The following PHF20 variants were observed in gnomAD, a reference collection of about 807,000 sequenced individuals.
PHF20 encodes the protein glioma-expressed antigen 2.
A neutral mutation model predicts 113.5 loss-of-function variants in PHF20; 23 were observed. The ratio of observed to expected loss-of-function variants is 0.20; its 90% CI spans 0.15 to 0.29. The LOEUF (loss-of-function observed/expected upper bound fraction) is 0.29. Ranked by LOEUF, PHF20 falls within the 10% of genes least tolerant of loss-of-function variation. PHF20 has a pLI of 1.00. For synonymous variants in PHF20, 434 were observed against 457.3 expected (o/e 0.95, Z 0.65); for missense variants, 943 against 1,219.6 (o/e 0.77, Z 3.38).
At chr20:35,940,742 A>T in intron 16 of PHF20, 122 bp from the exon 17 acceptor site, 2 of 814,838 alleles carry the variant, frequency 2.5e-6, no homozygotes. Flanking sequence ...TAGGAAAGGG[A>T]GGTAGGGATT....
chr20:35,899,772 A>C, intron 10 of PHF20, 124 bp downstream of exon 10: 2 of 1,002,206 alleles, frequency 2.0e-6, no homozygotes, highest in South Asian at 1.6e-5. Context: ...ACAGGACTGA[A>C]CATATTAAGT....
rs577878410 is a variant in PHF20 at position 35,885,467 on chromosome 20, C to CTTT, written c.1282+13669_1282+13671dup. 3.8e-3 allele frequency among the ~76,000 whole-genome samples: 137 copies of CTTT among 35,658 alleles called. 7 individuals carry two copies. Among genetic ancestry groups the CTTT allele is most frequent in the African/African-American group, 0.013 (120 of 9,176 alleles). The allele number at this position is 35,658 out of a possible 152,430, so 23.4% of individuals were successfully genotyped here. A position where few individuals can be genotyped will look rare whatever the true frequency, so the allele number is the denominator to read the frequency against. On this transcript the variant is annotated intron_variant, in intron 9 of 17. Transcript: ENST00000374012. ...CTGGAGTGGGGGACAGGGGAATAAGCTTTTTTTTTTTTTTTTTTTTTTTTT... is the reference window on the plus strand; with the variant it reads ...CTGGAGTGGGGGACAGGGGAATAAGCTTTTTTTTTTTTTTTTTTTTTTTTTTTT...
chr20:35,871,736 T>C lies in PHF20; in HGVS notation c.1189T>C (p.Leu397=). The change falls in exon 9 of 18, where the codon TTG becomes CTG. Residue 397 remains leucine (L), a synonymous_variant. Coordinates refer to ENST00000374012, the MANE Select transcript of PHF20 (RefSeq NM_016436.5). ...SFGDGSGAAG[L]ELNCPSMGEN... ...TGGGGATGGATCCGGGGCTGCAGGC[T>C]TGGAGTTGAACTGCCCATCAATGGG... 1 of 1,614,070 alleles carries C rather than the reference T, an allele frequency of 6.2e-7. No individual in the cohort carries two copies. The highest frequency in any genetic ancestry group is 8.5e-7 in the Non-Finnish European group (1 of 1,179,948).
intron 16 of PHF20, among the ~76,000 whole-genome samples, 185 bp downstream of exon 16, chr20:35,939,293 C>G (rs1217927820): frequency 6.6e-6 from 1 of 151,920 alleles, no homozygotes; most frequent in Non-Finnish European, 1.5e-5. Context: ...GCCAAAGATC[C>G]TTGGTTCCAG....
Position 35,833,830 on chromosome 20 carries a change from C to T in PHF20, c.84-8743C>T, listed in dbSNP as rs376731361. Among the ~76,000 whole-genome samples, 41 of 152,168 alleles carry T rather than the reference C, an allele frequency of 2.7e-4. 2 individuals carry two copies. The East Asian group carries it at 6.8e-3, about 25-fold the overall frequency. ...ATCCCAGCACTTTGGGAGGCTGAGG[C>T]GGGCAGATCACGAAGTCAGGAGTTC... is the stretch of plus-strand genomic sequence containing the variant. On this transcript the variant is annotated intron_variant, in intron 2 of 17. Coordinates refer to ENST00000374012, the MANE Select transcript of PHF20 (RefSeq NM_016436.5).
Position 35,863,193 on chromosome 20 carries a change from A to G in PHF20, c.601A>G (p.Ile201Val), listed in dbSNP as rs974686146. ...GCAGCCTGATAAAGAAGGAAAGTTA[A>G]TCTGTTCTGAAAAGGGGAAAGTGTC... Reference protein sequence around the residue: ...PKQPDKEGKLICSEKGKVSEK... With the variant: ...PKQPDKEGKLVCSEKGKVSEK... Residue 201 changes from isoleucine (I) to valine (V), a missense_variant, in exon 6 of 18, where the codon ATC (isoleucine) becomes GTC (valine). Coordinates refer to ENST00000374012, the MANE Select transcript of PHF20 (RefSeq NM_016436.5). 2 of 1,613,548 alleles carry G rather than the reference A, an allele frequency of 1.2e-6. No homozygotes were observed. The highest frequency in any genetic ancestry group is 1.1e-5 in the South Asian group (1 of 91,010).
chr20:35,869,356 A>G, intron 6 of PHF20, 82 bp from the exon 7 acceptor site: 1 of 662,432 alleles, frequency 1.5e-6, no homozygotes, highest in South Asian at 2.0e-5. Flanking sequence ...ATATATATGT[A>G]TATATGTTTT....
rs184429417 is a variant in PHF20 at position 35,877,851 on chromosome 20, A to G, written c.1282+6022A>G. Among the ~76,000 whole-genome samples, 158 of 152,322 alleles carry G rather than the reference A, an allele frequency of 1.0e-3. 1 individual carries two copies. The highest frequency in any genetic ancestry group is 2.2e-4 in the Non-Finnish European group (15 of 68,032). On this transcript the variant is annotated intron_variant, in intron 9 of 17. Transcript: ENST00000374012. ...TGGGACACTTTGCCACAGGATCCAG[A>G]TCAGTGATTCTAACCCATGAAATCT...
chr20:35,803,674 GTA>G (rs1009701155), intron 2 of PHF20, among the ~76,000 whole-genome samples: 1 of 131,184 alleles, frequency 7.6e-6, no homozygotes, highest in Non-Finnish European at 1.6e-5. Flanking sequence ...TTTGGTTTCA[GTA>G]TATATATATG....
chr20:35,837,041 G>T (rs933911337), intron 2 of PHF20, among the ~76,000 whole-genome samples: 1 of 151,942 alleles, frequency 6.6e-6, no homozygotes, highest in Non-Finnish European at 1.5e-5. Flanking sequence ...GCCGAGCATG[G>T]TGGCGTGAGC....
intron 10 of PHF20, 134 bp downstream of exon 10, chr20:35,899,782 T>C (rs2055060639): frequency 1.1e-6 from 1 of 932,102 alleles, no homozygotes; most frequent in South Asian, 1.7e-5. Context: ...ACATATTAAG[T>C]GATCCTCTGG....
intron 2 of PHF20, among the ~76,000 whole-genome samples, chr20:35,812,529 A>G (rs2041996484): frequency 1.3e-5 from 2 of 152,176 alleles, no homozygotes; most frequent in Non-Finnish European, 2.9e-5. Context: ...ACATTGTTTT[A>G]TCATGGTGAG....
intron 3 of PHF20, among the ~76,000 whole-genome samples, chr20:35,844,416 G>GTTT (rs1568641913): frequency 2.7e-5 from 2 of 73,800 alleles, no homozygotes; most frequent in East Asian, 3.8e-4. Context: ...TTTTTTTTTT[G>GTTT]GTTTTTTTTT....
At chr20:35,791,823 G>A (rs1244442017) in intron 1 of PHF20, among the ~76,000 whole-genome samples, 1 of 152,058 alleles carries the variant, frequency 6.6e-6, no homozygotes, top group Non-Finnish European at 1.5e-5. Flanking sequence ...GGAAGGAGAA[G>A]GAGGTAAGGG....
chr20:35,914,233 C>A, intron 12 of PHF20, 36 bp downstream of exon 12: 3 of 1,590,888 alleles, frequency 1.9e-6, no homozygotes, highest in South Asian at 2.2e-5. Flanking sequence ...ATTTGCTGAT[C>A]ATTTATTGGA....
chr20:35,880,840 G>A (rs1464922751), intron 9 of PHF20, among the ~76,000 whole-genome samples: 1 of 151,926 alleles, frequency 6.6e-6, no homozygotes, highest in East Asian at 1.9e-4. Context: ...CATGCTTGTA[G>A]TCCTAGCTAC....
intron 10 of PHF20, among the ~76,000 whole-genome samples, chr20:35,907,175 C>T (rs982318366): frequency 1.3e-5 from 2 of 152,180 alleles, no homozygotes; most frequent in African/African-American, 4.8e-5. Context: ...TCTTTTCCCT[C>T]CTGGAAGCGG....
intron 1 of PHF20, among the ~76,000 whole-genome samples, chr20:35,792,344 C>T (rs6060606): frequency 2.1e-4 from 31 of 151,172 alleles, no homozygotes; most frequent in East Asian, 9.7e-4. Flanking sequence ...CCTGCCACCA[C>T]GCCCGGCTAA....
chr20:35,830,753 G>T (rs556796590), intron 2 of PHF20, among the ~76,000 whole-genome samples: 126 of 151,030 alleles, frequency 8.3e-4, no homozygotes, highest in Non-Finnish European at 1.4e-3. Context: ...TTAAGTTCTG[G>T]GGTACATGTG....
Sources: allele counts gnomAD v4.1 joint callset (sites outside exome capture counted in the v4.1 genomes callset), GRCh38; gene constraint gnomAD v4.1.1; transcripts MANE v1.5; gene names NCBI Gene and HGNC (gene_info 2026-07-23, HGNC 2026-07-21).